Variants in KREMEN1 observed in about 807,000 individuals in gnomAD.
The protein encoded by KREMEN1 is kremen protein 1.
In KREMEN1, 30 loss-of-function variants were observed where a neutral mutation model predicts 46.5. That is an observed-to-expected ratio of 0.65 (90% CI 0.48 to 0.88). KREMEN1 has a LOEUF of 0.88. Ranked by LOEUF, KREMEN1 falls within the 40% of genes least tolerant of loss-of-function variation. KREMEN1 has a pLI of 0.00. For synonymous variants in KREMEN1, 214 were observed against 230.6 expected (o/e 0.93, Z 0.65); for missense variants, 533 against 596.9 (o/e 0.89, Z 1.11).
intron 1 of KREMEN1, among the ~76,000 whole-genome samples, chr22:29,077,450 A>C (rs992860716): frequency 6.6e-6 from 1 of 152,194 alleles, no homozygotes; most frequent in Non-Finnish European, 1.5e-5. Flanking sequence ...CCCGGGTTCT[A>C]GCAGTTCTCC....
intron 1 of KREMEN1, among the ~76,000 whole-genome samples, chr22:29,092,970 A>G (rs1401597357): frequency 6.6e-6 from 1 of 152,128 alleles, no homozygotes; most frequent in East Asian, 1.9e-4. Flanking sequence ...GTGAGACTCC[A>G]TTCAAAAAAT....
intron 1 of KREMEN1, among the ~76,000 whole-genome samples, chr22:29,080,387 A>G (rs377126978): frequency 3.9e-5 from 6 of 152,228 alleles, no homozygotes; most frequent in African/African-American, 1.4e-4. Flanking sequence ...AGAGATTTGG[A>G]AAAAGTTTAG....
chr22:29,105,129 G>T (rs905604811), intron 3 of KREMEN1, among the ~76,000 whole-genome samples: 4 of 152,104 alleles, frequency 2.6e-5, no homozygotes, highest in Admixed American at 2.6e-4. Context: ...CAAAAGGTTC[G>T]GAGCACCCAG....
chr22:29,092,545 C>T (rs143655679), intron 1 of KREMEN1, among the ~76,000 whole-genome samples: 17 of 152,330 alleles, frequency 1.1e-4, no homozygotes, highest in African/African-American at 3.1e-4. Flanking sequence ...GCATTTTATG[C>T]GACACTGAAC....
intron 2 of KREMEN1, among the ~76,000 whole-genome samples, chr22:29,096,142 AT>A (rs931406051): frequency 6.6e-5 from 10 of 152,064 alleles, no homozygotes; most frequent in African/African-American, 2.4e-4. Context: ...GTCCCACCCC[AT>A]TTTTTATTAC....
At chr22:29,116,887 A>AC (rs1347392230) in intron 3 of KREMEN1, among the ~76,000 whole-genome samples, 5 of 151,810 alleles carry the variant, frequency 3.3e-5, no homozygotes, top group Non-Finnish European at 5.9e-5. Flanking sequence ...AGGCCCCTCC[A>AC]CCCCCAACAC....
At chr22:29,154,005 T>C (rs1430373897) in intron 9 of KREMEN1, among the ~76,000 whole-genome samples, 4 of 150,832 alleles carry the variant, frequency 2.7e-5, no homozygotes, top group Non-Finnish European at 4.4e-5. Flanking sequence ...GATACAGCAG[T>C]AGTTTCTCAT....
chr22:29,124,802 C>T (rs1256551383), intron 4 of KREMEN1, among the ~76,000 whole-genome samples: 1 of 152,026 alleles, frequency 6.6e-6, no homozygotes, highest in East Asian at 1.9e-4. Context: ...TGTGGTTACA[C>T]AAATCTATAC....
intron 3 of KREMEN1, among the ~76,000 whole-genome samples, chr22:29,106,497 A>G (rs112632486): frequency 1.2e-3 from 187 of 151,398 alleles, no homozygotes; most frequent in African/African-American, 3.5e-3. Flanking sequence ...CCAACACATT[A>G]TCTTATTTAA....
intron 4 of KREMEN1, 108 bp from the exon 5 acceptor site, chr22:29,125,155 T>G (rs565888776): frequency 2.4e-6 from 3 of 1,269,996 alleles, no homozygotes; most frequent in Admixed American, 1.8e-5. Context: ...GAAGGGACCC[T>G]GGGAAGTTGA....
intron 1 of KREMEN1, among the ~76,000 whole-genome samples, chr22:29,077,017 G>C (rs1406758694): frequency 6.6e-6 from 1 of 152,156 alleles, no homozygotes; most frequent in Non-Finnish European, 1.5e-5. Context: ...GTTTAGCATA[G>C]TTAGACCAAA....
chr22:29,166,449 TG>T (rs2145879613), intron 9 of KREMEN1, among the ~76,000 whole-genome samples: 1 of 152,344 alleles, frequency 6.6e-6, no homozygotes, highest in South Asian at 2.1e-4. Flanking sequence ...GGCACAGGCA[TG>T]GGGAGGTCCC....
intron 5 of KREMEN1, chr22:29,133,867 G>C (rs2038612350): frequency 6.6e-6 from 1 of 152,094 alleles, no homozygotes; most frequent in African/African-American, 2.4e-5. Context: ...TTGTCCTACA[G>C]CTGTTGGGAG....
intron 5 of KREMEN1, among the ~76,000 whole-genome samples, chr22:29,131,658 A>ATATG (rs1194602362): frequency 9.7e-6 from 1 of 103,592 alleles, no homozygotes; most frequent in South Asian, 3.4e-4. Flanking sequence ...ATATATGTAT[A>ATATG]TATATACATG....
At chr22:29,076,925 A>T (rs2037581631) in intron 1 of KREMEN1, among the ~76,000 whole-genome samples, 1 of 152,226 alleles carries the variant, frequency 6.6e-6, no homozygotes, top group Non-Finnish European at 1.5e-5. Flanking sequence ...GCAAGAAAGC[A>T]TTCCTTTTAG....
downstream of KREMEN1, among the ~76,000 whole-genome samples, chr22:29,151,167 A>G (rs2038911992): frequency 6.6e-6 from 1 of 152,172 alleles, no homozygotes; most frequent in South Asian, 2.1e-4. Flanking sequence ...CCTGCAAAAA[A>G]GACCCCATCT....
chr22:29,148,545 C>A (rs112480391), downstream of KREMEN1, among the ~76,000 whole-genome samples: 12,981 of 151,840 alleles, frequency 0.085, 575 homozygotes, highest in South Asian at 0.11. Flanking sequence ...CCTCCGCCTC[C>A]CGGGTTCAAG....
In KREMEN1 at chr22:29,073,151, C is replaced by T; in HGVS notation, c.21C>T (p.Arg7=). Residue 7 remains arginine, a synonymous_variant, in exon 1 of 9, where the codon CGC becomes CGT. Coordinates refer to ENST00000400335, the MANE Select transcript of KREMEN1 (RefSeq NM_001039570.3). This position sits in a 1 kb window ranked among gnomAD's most constrained non-coding sequence, Gnocchi z 4.4. ...GGCCCATGGCGCCGCCAGCCGCCCG[C>T]CTCGCCCTGCTCTCCGCCGCGGCGC... MAPPAA[R]LALLSAAALT... 2 of 1,131,026 alleles carry T rather than the reference C, an allele frequency of 1.8e-6. No homozygotes were observed. Among genetic ancestry groups the T allele is most frequent in the Non-Finnish European group, 2.2e-6 (2 of 925,782 alleles). 70.1% of individuals were successfully genotyped at this position (1,131,026 alleles called of 1,614,324 possible).
intron 3 of KREMEN1, among the ~76,000 whole-genome samples, chr22:29,107,335 T>G (rs2038078091): frequency 6.6e-6 from 1 of 151,268 alleles, no homozygotes; most frequent in East Asian, 2.0e-4. Flanking sequence ...GAGATTCTCC[T>G]GCCTCAGCCT....
Sources: gnomAD v4.1 joint callset for allele counts (sites outside exome capture counted in the v4.1 genomes callset) on GRCh38, gnomAD v4.1.1 for gene constraint, Gnocchi (gnomAD v3.1) non-coding constraint, MANE v1.5 for transcripts, NCBI Gene and HGNC (gene_info 2026-07-23, HGNC 2026-07-21) for gene names.